Variants in PICALM observed in about 807,000 individuals in gnomAD.
PICALM encodes phosphatidylinositol-binding clathrin assembly protein.
Under a neutral mutation model 80.5 loss-of-function variants are expected in PICALM, and 40 were observed. That is an observed-to-expected ratio of 0.50 (90% confidence interval 0.39 to 0.65). The LOEUF is 0.65. Among genes scored for constraint, PICALM ranks in the 30% least tolerant of loss-of-function variants. The pLI, the probability that PICALM is intolerant of heterozygous loss-of-function variation, is 0.00. For synonymous variants in PICALM, 288 were observed against 260.3 expected (o/e 1.11, Z -1.02); for missense variants, 676 against 778.9 (o/e 0.87, Z 1.57).
chr11:85,959,263 A>T (rs75617273), intron 19 of PICALM, among the ~76,000 whole-genome samples: 246 of 152,242 alleles, frequency 1.6e-3, no homozygotes, highest in African/African-American at 5.6e-3. Context: ...GGACTTCCAA[A>T]TAATGTTTTT....
At chr11:86,026,483 T>C in intron 2 of PICALM, 116 bp from the exon 3 acceptor site, 1 of 616,232 alleles carries the variant, frequency 1.6e-6, no homozygotes, top group Non-Finnish European at 2.9e-6. Context: ...AGTTTAAATT[T>C]CTCATCCTCA....
chr11:86,061,965 G>C (rs1275139579), intron 1 of PICALM, among the ~76,000 whole-genome samples: 3 of 152,054 alleles, frequency 2.0e-5, no homozygotes, highest in South Asian at 4.1e-4. Flanking sequence ...AAAAGCCATT[G>C]AGGAAATCGT....
At chr11:85,974,859 A>AT (rs752789081) in intron 18 of PICALM, 47 bp from the exon 19 acceptor site, 11 of 1,244,212 alleles carry the variant, frequency 8.8e-6, no homozygotes, top group South Asian at 7.2e-5. Context: ...TATCTTCCTT[A>AT]TTGTGACTAA....
intron 9 of PICALM, among the ~76,000 whole-genome samples, 189 bp downstream of exon 9, chr11:86,003,177 C>T (rs1234306291): frequency 2.0e-5 from 3 of 152,128 alleles, no homozygotes; most frequent in African/African-American, 7.2e-5. Flanking sequence ...GAAACAATTT[C>T]AAGAATTTGC....
At position 85,990,401 on chromosome 11, in the gene PICALM, T is replaced by C. The variant is rs146285500; in HGVS notation, c.1259-2A>G. 1.9e-6 allele frequency: 3 copies of C among 1,583,300 alleles called. No individual in the cohort carries two copies. Among genetic ancestry groups the C allele is most frequent in the Admixed American group, 3.4e-5 (2 of 58,436 alleles). ...CATCTACAGTAGCAGAGAAAGGATC[T>C]GTGCAGTCCAAATGTATTATAGCAA... On this transcript the variant is annotated splice_acceptor_variant, in intron 12 of 19. Transcript: ENST00000393346. LOFTEE classifies it high-confidence loss of function.
At chr11:85,981,653 T>C in intron 16 of PICALM, 92 bp downstream of exon 16, 3 of 945,756 alleles carry the variant, frequency 3.2e-6, no homozygotes, top group South Asian at 1.4e-5. Flanking sequence ...ACACATATTT[T>C]TGAGAGGAAA....
chr11:86,026,532 T>C (rs1565462276), intron 2 of PICALM, among the ~76,000 whole-genome samples, 165 bp from the exon 3 acceptor site: 1 of 152,128 alleles, frequency 6.6e-6, no homozygotes, highest in Non-Finnish European at 1.5e-5. Flanking sequence ...AAAAACATAA[T>C]ACATATTTTT....
At chr11:86,007,390 T>G in intron 8 of PICALM, 152 bp downstream of exon 8, 1 of 530,040 alleles carries the variant, frequency 1.9e-6, no homozygotes, top group Non-Finnish European at 3.6e-6. Context: ...GTCATAGTGT[T>G]AGAACAATCT....
intron 5 of PICALM, among the ~76,000 whole-genome samples, chr11:86,013,797 T>C (rs1365626173): frequency 2.0e-5 from 3 of 152,086 alleles, no homozygotes; most frequent in Non-Finnish European, 4.4e-5. Flanking sequence ...TTGTAAAGGG[T>C]CAGATGGTAA....
At chr11:85,963,905 C>A (rs1211652118) in intron 19 of PICALM, among the ~76,000 whole-genome samples, 2 of 146,728 alleles carry the variant, frequency 1.4e-5, no homozygotes, top group Admixed American at 6.9e-5. Context: ...TACAGGCATG[C>A]ACCACCACAC....
intron 19 of PICALM, among the ~76,000 whole-genome samples, chr11:85,959,912 C>T (rs1207729360): frequency 6.6e-6 from 1 of 152,092 alleles, no homozygotes; most frequent in Non-Finnish European, 1.5e-5. Flanking sequence ...AGAGGAATAG[C>T]ATGTGGAGGA....
intron 9 of PICALM, among the ~76,000 whole-genome samples, chr11:86,002,772 G>A (rs2095177990): frequency 6.6e-6 from 1 of 152,126 alleles, no homozygotes; most frequent in East Asian, 1.9e-4. Context: ...CAGCACTTTG[G>A]GAGGCTGAGG....
chr11:86,061,255 T>C, intron 1 of PICALM, among the ~76,000 whole-genome samples: 1 of 138,530 alleles, frequency 7.2e-6, no homozygotes, highest in South Asian at 2.2e-4. Flanking sequence ...CTTGAACCCC[T>C]GGGAGACAGA....
In PICALM at chr11:86,068,577, C is replaced by T. The variant is rs1565633309; in HGVS notation, c.130+74G>A. 2.1e-6 allele frequency: 3 copies of T among 1,413,930 alleles called. No individual in the cohort carries two copies. The African/African-American group carries it at 4.3e-5, about 20-fold the overall frequency. 87.6% of individuals were successfully genotyped at this position (1,413,930 alleles called of 1,614,324 possible). ...GAAGAGGCAGTAGAAGGGTGAAAGA[C>T]AAGAGAGAGAGAGAAGGACGCGCGC... is the stretch of plus-strand genomic sequence containing the variant. On this transcript the variant is annotated intron_variant, in intron 1 of 19. Coordinates refer to ENST00000393346, the MANE Select transcript of PICALM (RefSeq NM_007166.4).
rs879662812 is a variant in PICALM at position 86,061,144 on chromosome 11, T to G, written c.130+7507A>C. On this transcript the variant is annotated intron_variant, in intron 1 of 19. Transcript: ENST00000393346. ...AGGAGTTCAAGACCAGCCTGGCTAA[T>G]ATGGTCAAACGCCATCTCTACTAAA... 5.3e-5 allele frequency among the ~76,000 whole-genome samples: 8 copies of G among 151,782 alleles called. No homozygotes were observed. The East Asian group carries it at 1.5e-3, about 29-fold the overall frequency.
chr11:86,003,690 C>T (rs2095208643), intron 8 of PICALM: 1 of 321,796 alleles, frequency 3.1e-6, no homozygotes, highest in South Asian at 1.2e-4. Flanking sequence ...ACTATGTAAA[C>T]ATGAAACATT....
chr11:86,002,436 C>A (rs1394600392), intron 9 of PICALM, among the ~76,000 whole-genome samples: 1 of 152,164 alleles, frequency 6.6e-6, no homozygotes, highest in Non-Finnish European at 1.5e-5. Context: ...ATGAGAATAA[C>A]TCAAGTAATT....
chr11:86,042,812 T>C (rs17148723), intron 1 of PICALM, among the ~76,000 whole-genome samples: 6,443 of 152,088 alleles, frequency 0.042, 204 homozygotes, highest in African/African-American at 0.091. Context: ...GGCAGAAAAA[T>C]TCTCCTTTCT....
At chr11:86,011,282 G>C (rs751501942) in intron 6 of PICALM, 146 bp from the exon 7 acceptor site, 2 of 540,146 alleles carry the variant, frequency 3.7e-6, no homozygotes, top group African/African-American at 2.0e-5. Context: ...AGTTAGCTTA[G>C]GTATTTAAAG....
Sources: gnomAD v4.1 joint callset for allele counts (sites outside exome capture counted in the v4.1 genomes callset) on GRCh38, gnomAD v4.1.1 for gene constraint, MANE v1.5 for transcripts, NCBI Gene and HGNC (gene_info 2026-07-23, HGNC 2026-07-21) for gene names.